ESR2: variants seen among roughly 807,000 people sequenced by gnomAD.
The protein encoded by ESR2 is estrogen receptor beta.
In ESR2, 36 loss-of-function variants were observed where a neutral mutation model predicts 49.6. The observed-to-expected ratio is 0.73, with a 90% confidence interval of 0.56 to 0.96. The LOEUF (loss-of-function observed/expected upper bound fraction) is 0.96, where lower values mean the gene tolerates loss of function less well. Among genes scored for constraint, ESR2 ranks in the 40% least tolerant of loss-of-function variants. The pLI, the probability that ESR2 is intolerant of heterozygous loss-of-function variation, is 0.00. For missense variants in ESR2, 714 were observed against 693.0 expected (o/e 1.03, Z -0.34); for synonymous variants, 320 against 266.1 (o/e 1.20, Z -1.97).
At chr14:64,302,701 T>C (rs2077040525) in intron 1 of ESR2, among the ~76,000 whole-genome samples, 2 of 152,174 alleles carry the variant, frequency 1.3e-5, no homozygotes, top group African/African-American at 2.4e-5. Context: ...AGATTTATCA[T>C]CCCCACTTTA....
chr14:64,310,758 C>T (rs2077179163), intron 1 of ESR2, among the ~76,000 whole-genome samples: 1 of 152,182 alleles, frequency 6.6e-6, no homozygotes, highest in Non-Finnish European at 1.5e-5. Context: ...GCATGAGCCA[C>T]CGCGCCAGAG....
chr14:64,234,808 T>C (rs561590767), intron 8 of ESR2, 162 bp downstream of exon 8: 1 of 1,411,958 alleles, frequency 7.1e-7, no homozygotes, highest in Admixed American at 2.6e-5. Flanking sequence ...GCCCACTCTG[T>C]GCCCATCTTT....
chr14:64,253,604 G>GTA (rs10696080), intron 6 of ESR2, among the ~76,000 whole-genome samples: 5,398 of 142,752 alleles, frequency 0.038, 227 homozygotes, highest in African/African-American at 0.1. Context: ...GTGTGTGTGT[G>GTA]TATGTATGTG....
chr14:64,286,149 G>A (rs1189153715), intron 1 of ESR2, among the ~76,000 whole-genome samples: 1 of 152,148 alleles, frequency 6.6e-6, no homozygotes, highest in Non-Finnish European at 1.5e-5. Context: ...TAACACCAAA[G>A]TGGTACCACT....
downstream of ESR2, chr14:64,227,496 C>A: frequency 6.2e-7 from 1 of 1,607,364 alleles, no homozygotes; most frequent in Admixed American, 1.7e-5. Context: ...AAATGTTACC[C>A]AAGATTTTTC....
intron 4 of ESR2, among the ~76,000 whole-genome samples, chr14:64,264,223 A>G (rs892132872): frequency 1.6e-4 from 24 of 152,222 alleles, no homozygotes; most frequent in African/African-American, 5.8e-4. Context: ...TTAAAAATAA[A>G]TATTAGTTAG....
In ESR2 at chr14:64,232,993, G is replaced by A; in HGVS notation, c.*144C>T. The A allele has an allele frequency of 7.1e-7, 1 of 1,403,906 alleles. No homozygotes were observed. The highest frequency in any genetic ancestry group is 1.7e-5 in the South Asian group (1 of 58,144). The allele number at this position is 1,403,906 out of a possible 1,614,324, so 87.0% of individuals were successfully genotyped here. A position where few individuals can be genotyped will look rare whatever the true frequency, so the allele number is the denominator to read the frequency against. ...ACCGACTCCTGAGAGTTGGGAAGGT[G>A]GAGGGAAGGATGGTACATGACCAAG... is the stretch of plus-strand genomic sequence containing the variant. On this transcript the variant is annotated 3_prime_UTR_variant, in exon 9 of 9. Coordinates refer to ENST00000341099, the MANE Select transcript of ESR2 (RefSeq NM_001437.3).
intron 1 of ESR2, among the ~76,000 whole-genome samples, chr14:64,286,605 T>A (rs746060117): frequency 6.6e-6 from 1 of 151,812 alleles, no homozygotes; most frequent in Non-Finnish European, 1.5e-5. Context: ...CAGAATTTTG[T>A]ATTTTAATTA....
intron 1 of ESR2, chr14:64,335,893 C>T (rs2077524322): frequency 6.6e-6 from 1 of 150,630 alleles, no homozygotes; most frequent in African/African-American, 2.5e-5. Flanking sequence ...CAACCTCCAC[C>T]TCCCGGGTTC....
At chr14:64,289,550 A>G (rs1252007025) in intron 1 of ESR2, among the ~76,000 whole-genome samples, 1 of 152,096 alleles carries the variant, frequency 6.6e-6, no homozygotes, top group Non-Finnish European at 1.5e-5. Context: ...AAAAAAAAAG[A>G]AAGCATTCTG....
intron 7 of ESR2, among the ~76,000 whole-genome samples, chr14:64,239,073 G>C (rs1393740708): frequency 6.6e-6 from 1 of 152,224 alleles, no homozygotes; most frequent in Non-Finnish European, 1.5e-5. Flanking sequence ...AGAAGTCCTG[G>C]CTTTGGGGAG....
intron 1 of ESR2, among the ~76,000 whole-genome samples, chr14:64,319,202 C>T (rs985611087): frequency 1.3e-5 from 2 of 152,144 alleles, no homozygotes; most frequent in Admixed American, 1.3e-4. Flanking sequence ...AGAACAACTA[C>T]ATACAACTAC....
At chr14:64,273,974 C>T (rs2076503203) in intron 3 of ESR2, among the ~76,000 whole-genome samples, 1 of 147,962 alleles carries the variant, frequency 6.8e-6, no homozygotes, top group Non-Finnish European at 1.5e-5. Context: ...TGATCACACT[C>T]CATCACCCAG....
chr14:64,279,206 CATTG>C (rs2076616222), intron 3 of ESR2, among the ~76,000 whole-genome samples: 1 of 152,210 alleles, frequency 6.6e-6, no homozygotes, highest in Admixed American at 6.5e-5. Flanking sequence ...ATCTTACATG[CATTG>C]ATTAATGCCT....
chr14:64,260,282 A>G, intron 5 of ESR2, 167 bp downstream of exon 5: 1 of 801,454 alleles, frequency 1.2e-6, no homozygotes, highest in Non-Finnish European at 2.3e-6. Flanking sequence ...AGGTATGCCA[A>G]GACAGAAGGA....
chr14:64,259,311 C>CT (rs1427402942), intron 5 of ESR2, among the ~76,000 whole-genome samples: 2 of 152,250 alleles, frequency 1.3e-5, no homozygotes, highest in African/African-American at 4.8e-5. Flanking sequence ...TCCCCAGGCT[C>CT]TTTACCCAAA....
At position 64,280,133 on chromosome 14, in the gene ESR2, A is replaced by T; in HGVS notation, c.383T>A (p.Val128Asp). Residue 128 changes from valine (V) to aspartate (D), a missense_variant, in exon 3 of 9, where the codon GTT (valine) becomes GAT (aspartate). By Grantham distance (152) the Val-to-Asp change is radical. Coordinates refer to ENST00000341099, the MANE Select transcript of ESR2 (RefSeq NM_001437.3). ...PVNRETLKRK[V>D]SGNRCASPVT... is the part of the protein sequence containing the mutation. ...AGGGCTGGCGCAACGGTTCCCACTAACCTTCCTTTTCAGTGTCTCTCTAGG... is the reference window on the plus strand; with the variant it reads ...AGGGCTGGCGCAACGGTTCCCACTATCCTTCCTTTTCAGTGTCTCTCTAGG... 6.2e-7 allele frequency: 1 copy of T among 1,613,988 alleles called. No individual in the cohort carries two copies. Among genetic ancestry groups the T allele is most frequent in the South Asian group, 1.1e-5 (1 of 91,074 alleles).
At chr14:64,309,017 G>T (rs1488681660) in intron 1 of ESR2, among the ~76,000 whole-genome samples, 1 of 151,980 alleles carries the variant, frequency 6.6e-6, no homozygotes, top group Non-Finnish European at 1.5e-5. Context: ...AAAATGAAAA[G>T]AAAAGAAAAG....
chr14:64,260,090 G>C, intron 5 of ESR2: 1 of 482,914 alleles, frequency 2.1e-6, no homozygotes, highest in Admixed American at 2.3e-5. Flanking sequence ...GTCTGTAGCA[G>C]ATGTGGACAC....
Sources: allele counts gnomAD v4.1 joint callset (sites outside exome capture counted in the v4.1 genomes callset), GRCh38; gene constraint gnomAD v4.1.1; transcripts MANE v1.5; gene names NCBI Gene and HGNC (gene_info 2026-07-23, HGNC 2026-07-21).